Variants in NR3C2 observed in about 807,000 individuals in gnomAD.
NR3C2 encodes the protein nuclear receptor subfamily 3 group C member 2.
In NR3C2, 15 loss-of-function variants were observed where a neutral mutation model predicts 86.4. That is an observed-to-expected ratio of 0.17 (90% CI 0.12 to 0.27). NR3C2 has a LOEUF of 0.27. Among genes scored for constraint, NR3C2 ranks in the 10% least tolerant of loss-of-function variants. The probability of loss-of-function intolerance (pLI) is 1.00; values close to 1 mark genes in which losing one functional copy is unlikely to be tolerated. For synonymous variants in NR3C2, 458 were observed against 450.5 expected, an observed-to-expected ratio of 1.02 and a Z score of -0.21; for missense variants, 960 against 1,195.6, an observed-to-expected ratio of 0.80 and a Z score of 2.91.
intron 4 of NR3C2, among the ~76,000 whole-genome samples, chr4:148,177,684 G>A (rs149078213): frequency 8.7e-4 from 132 of 152,266 alleles, no homozygotes; most frequent in African/African-American, 2.8e-3. Context: ...AATTCTCAGG[G>A]AGCAAGCAGA....
chr4:148,349,087 T>G (rs946481874), intron 2 of NR3C2, among the ~76,000 whole-genome samples: 2 of 152,100 alleles, frequency 1.3e-5, no homozygotes, highest in East Asian at 3.8e-4. Context: ...ATTTGCTGAA[T>G]TACTCAATTA....
At position 148,362,208 on chromosome 4, in the gene NR3C2, T is replaced by C. The variant is rs1745873327; in HGVS notation, c.1757+72896A>G. Among the ~76,000 whole-genome samples the C allele has an allele frequency of 3.3e-5, 5 of 152,318 alleles. No homozygotes were observed. In the South Asian group the frequency reaches 1.0e-3, roughly 32 times the overall value. On this transcript the variant is annotated intron_variant, in intron 2 of 8. Coordinates refer to ENST00000358102, the MANE Select transcript of NR3C2 (RefSeq NM_000901.5). ...GGCGTATCCCAAGATTTCAGGCTGT[T>C]TGCATTATTTCCTTTTAGGTAAGAG...
intron 1 of NR3C2, among the ~76,000 whole-genome samples, chr4:148,441,551 G>A (rs759873481): frequency 1.2e-4 from 18 of 152,144 alleles, no homozygotes; most frequent in Non-Finnish European, 2.2e-4. Context: ...AAATTGAGTA[G>A]GCAAAGCCAC....
chr4:148,379,824 T>C (rs1746871275), intron 2 of NR3C2, among the ~76,000 whole-genome samples: 1 of 151,694 alleles, frequency 6.6e-6, no homozygotes, highest in African/African-American at 2.4e-5. Flanking sequence ...GATCTTGTTC[T>C]TCCTCACAGA....
chr4:148,363,802 C>T (rs568776217), intron 2 of NR3C2, among the ~76,000 whole-genome samples: 8 of 152,228 alleles, frequency 5.3e-5, no homozygotes, highest in African/African-American at 1.2e-4. Context: ...CGCGCCCAGC[C>T]GACTTTTCAT....
chr4:148,311,553 G>A (rs1481278066), intron 2 of NR3C2, among the ~76,000 whole-genome samples: 1 of 152,292 alleles, frequency 6.6e-6, no homozygotes, highest in East Asian at 1.9e-4. Context: ...CAATCACCAA[G>A]TGAATTACTG....
chr4:148,114,426 C>T (rs1236388503), intron 7 of NR3C2, among the ~76,000 whole-genome samples, 165 bp from the exon 8 acceptor site: 1 of 152,216 alleles, frequency 6.6e-6, no homozygotes, highest in Non-Finnish European at 1.5e-5. Context: ...TGTACACATA[C>T]ATACACAAAG....
intron 2 of NR3C2, among the ~76,000 whole-genome samples, chr4:148,262,682 C>T (rs566869323): frequency 1.3e-5 from 2 of 152,192 alleles, no homozygotes; most frequent in South Asian, 4.1e-4. Context: ...TGAGGTCATA[C>T]TGGAATAGGG....
At chr4:148,258,889 C>T (rs1393190191) in intron 3 of NR3C2, among the ~76,000 whole-genome samples, 1 of 152,156 alleles carries the variant, frequency 6.6e-6, no homozygotes, top group Admixed American at 6.5e-5. Flanking sequence ...GCTCATAATC[C>T]TGAGAAAGAA....
At chr4:148,234,733 T>C (rs1175507917) in intron 3 of NR3C2, among the ~76,000 whole-genome samples, 2 of 151,416 alleles carry the variant, frequency 1.3e-5, no homozygotes, top group East Asian at 3.9e-4. Context: ...GTAATTCTGC[T>C]GAAGGCCAAT....
intron 2 of NR3C2, among the ~76,000 whole-genome samples, chr4:148,421,616 T>C (rs1749284114): frequency 1.3e-5 from 2 of 152,330 alleles, no homozygotes; most frequent in East Asian, 1.9e-4. Flanking sequence ...ATACTGACAA[T>C]GTACTGACTC....
chr4:148,390,242 T>TA (rs1439479810), intron 2 of NR3C2, among the ~76,000 whole-genome samples: 15 of 143,850 alleles, frequency 1.0e-4, no homozygotes, highest in Non-Finnish European at 1.2e-4. Context: ...ATACATTCCT[T>TA]AAAAAAAAAA....
At chr4:148,195,364 A>G (rs1307648224) in intron 3 of NR3C2, among the ~76,000 whole-genome samples, 2 of 152,252 alleles carry the variant, frequency 1.3e-5, no homozygotes, top group Non-Finnish European at 2.9e-5. Context: ...ATGTGGGCAC[A>G]GCACAGGCTT....
chr4:148,269,346 G>A (rs923091302), intron 2 of NR3C2, among the ~76,000 whole-genome samples: 1 of 152,118 alleles, frequency 6.6e-6, no homozygotes, highest in African/African-American at 2.4e-5. Context: ...TGTTGATACT[G>A]TTGACCTTAT....
intron 3 of NR3C2, among the ~76,000 whole-genome samples, chr4:148,259,323 A>C (rs1739981162): frequency 6.6e-6 from 1 of 152,238 alleles, no homozygotes; most frequent in African/African-American, 2.4e-5. Flanking sequence ...ACTGCTTATA[A>C]GTGAGGATGG....
chr4:148,270,787 T>C (rs991371226), intron 2 of NR3C2, among the ~76,000 whole-genome samples: 1 of 152,208 alleles, frequency 6.6e-6, no homozygotes, highest in Non-Finnish European at 1.5e-5. Context: ...TTTTCTAGTC[T>C]AGCCCCAATA....
intron 8 of NR3C2, among the ~76,000 whole-genome samples, chr4:148,082,434 G>A (rs1730608327): frequency 6.6e-6 from 1 of 152,150 alleles, no homozygotes; most frequent in Non-Finnish European, 1.5e-5. Context: ...GCAGGGTGGG[G>A]CGTCGCCTCA....
At chr4:148,223,645 G>A (rs531857870) in intron 3 of NR3C2, among the ~76,000 whole-genome samples, 18 of 152,292 alleles carry the variant, frequency 1.2e-4, no homozygotes, top group African/African-American at 4.3e-4. Context: ...TCTGTCAAGT[G>A]AAAGAGAAGA....
At chr4:148,433,696 C>G (rs1201617573) in intron 2 of NR3C2, among the ~76,000 whole-genome samples, 1 of 152,158 alleles carries the variant, frequency 6.6e-6, no homozygotes, top group Non-Finnish European at 1.5e-5. Flanking sequence ...ATGCTGTTAA[C>G]TACCAGGCTA....
Sources: allele counts gnomAD v4.1 joint callset (sites outside exome capture counted in the v4.1 genomes callset), GRCh38; gene constraint gnomAD v4.1.1; transcripts MANE v1.5; gene names NCBI Gene and HGNC (gene_info 2026-07-23, HGNC 2026-07-21).